The following HCN1 variants were observed in gnomAD, a reference collection of about 807,000 sequenced individuals.
HCN1 encodes hyperpolarization activated cyclic nucleotide gated potassium channel 1.
In HCN1, 13 loss-of-function variants were observed where a neutral mutation model predicts 78.9. That is an observed-to-expected ratio of 0.16 (90% CI 0.11 to 0.26). The LOEUF (loss-of-function observed/expected upper bound fraction) is 0.26, where lower values mean the gene tolerates loss of function less well. Among genes scored for constraint, HCN1 ranks in the 10% least tolerant of loss-of-function variants. The pLI is 1.00. For synonymous variants in HCN1, 552 were observed against 455.5 expected (o/e 1.21, Z -2.70); for missense variants, 810 against 1,154.3 (o/e 0.70, Z 4.32).
chr5:45,536,679 A>G (rs1579955458), intron 2 of HCN1, among the ~76,000 whole-genome samples: 2 of 151,992 alleles, frequency 1.3e-5, no homozygotes, highest in South Asian at 4.2e-4. Flanking sequence ...ATTCTATCCA[A>G]CTGCTTGTTT....
At chr5:45,454,480 TA>T (rs1304954257) in intron 3 of HCN1, among the ~76,000 whole-genome samples, 22 of 145,980 alleles carry the variant, frequency 1.5e-4, no homozygotes, top group Admixed American at 4.1e-4. Flanking sequence ...TGTTAGGTCT[TA>T]AAAAAAAATA....
intron 7 of HCN1, among the ~76,000 whole-genome samples, chr5:45,265,613 G>T (rs910244801): frequency 6.6e-6 from 1 of 152,148 alleles, no homozygotes; most frequent in Admixed American, 6.5e-5. Context: ...ATGTGAATGT[G>T]AAGTGCAGAA....
At chr5:45,342,078 T>A (rs1030409666) in intron 5 of HCN1, among the ~76,000 whole-genome samples, 1 of 152,160 alleles carries the variant, frequency 6.6e-6, no homozygotes, top group Non-Finnish European at 1.5e-5. Flanking sequence ...CCTCAATTCT[T>A]TAGGGATGAA....
intron 5 of HCN1, among the ~76,000 whole-genome samples, chr5:45,329,162 A>G (rs941959984): frequency 6.6e-6 from 1 of 151,482 alleles, no homozygotes; most frequent in African/African-American, 2.4e-5. Context: ...TAAGTATACA[A>G]TTTGTCAGTA....
At chr5:45,379,899 T>C (rs1223025153) in intron 4 of HCN1, among the ~76,000 whole-genome samples, 1 of 151,694 alleles carries the variant, frequency 6.6e-6, no homozygotes, top group Non-Finnish European at 1.5e-5. Flanking sequence ...GTTCGAGAAA[T>C]GGATAGTGGT....
At chr5:45,525,616 T>C (rs1231027159) in intron 2 of HCN1, among the ~76,000 whole-genome samples, 1 of 152,048 alleles carries the variant, frequency 6.6e-6, no homozygotes, top group East Asian at 1.9e-4. Flanking sequence ...AAAATTATGA[T>C]TACCCCAAAC....
intron 6 of HCN1, among the ~76,000 whole-genome samples, chr5:45,290,549 C>T (rs531303707): frequency 2.0e-5 from 3 of 152,062 alleles, no homozygotes; most frequent in East Asian, 1.9e-4. Flanking sequence ...AAATAAGACA[C>T]TTTTGTGTTT....
At chr5:45,385,988 T>C (rs1237719450) in intron 4 of HCN1, among the ~76,000 whole-genome samples, 1 of 152,070 alleles carries the variant, frequency 6.6e-6, no homozygotes, top group Non-Finnish European at 1.5e-5. Context: ...AAAAATACAT[T>C]TTATGAATTG....
chr5:45,450,722 T>C (rs1035578907), intron 3 of HCN1, among the ~76,000 whole-genome samples: 2 of 152,180 alleles, frequency 1.3e-5, no homozygotes, highest in Admixed American at 6.5e-5. Context: ...CATAAACTTA[T>C]ATTGTTTACT....
At chr5:45,451,132 A>G (rs979967906) in intron 3 of HCN1, among the ~76,000 whole-genome samples, 2 of 152,206 alleles carry the variant, frequency 1.3e-5, no homozygotes, top group Non-Finnish European at 2.9e-5. Flanking sequence ...ATCGAGAAAT[A>G]CATTCAAAAA....
intron 3 of HCN1, among the ~76,000 whole-genome samples, chr5:45,430,353 A>T (rs1740436582): frequency 1.3e-5 from 2 of 151,748 alleles, no homozygotes; most frequent in African/African-American, 2.4e-5. Context: ...TGTGTGTCTT[A>T]GGGGTTTGGT....
intron 2 of HCN1, among the ~76,000 whole-genome samples, chr5:45,548,039 T>G: frequency 6.6e-6 from 1 of 151,990 alleles, no homozygotes; most frequent in East Asian, 1.9e-4. Flanking sequence ...ATCAGAGATA[T>G]AACAGGATTA....
intron 6 of HCN1, among the ~76,000 whole-genome samples, chr5:45,277,922 G>C (rs773000081): frequency 6.6e-6 from 1 of 152,132 alleles, no homozygotes. Flanking sequence ...AATCCCCAAA[G>C]TGGTGTTGGG....
At chr5:45,441,931 A>C (rs1740687871) in intron 3 of HCN1, among the ~76,000 whole-genome samples, 1 of 152,160 alleles carries the variant, frequency 6.6e-6, no homozygotes, top group Non-Finnish European at 1.5e-5. Context: ...TTTTACAGGA[A>C]TATCACAACT....
intron 3 of HCN1, among the ~76,000 whole-genome samples, chr5:45,413,169 A>T (rs1224808079): frequency 6.6e-6 from 1 of 152,092 alleles, no homozygotes; most frequent in Non-Finnish European, 1.5e-5. Context: ...GTTTTACAGA[A>T]ACTTAGAGTA....
intron 2 of HCN1, among the ~76,000 whole-genome samples, chr5:45,538,791 CA>C (rs1456454144): frequency 1.3e-5 from 2 of 152,126 alleles, no homozygotes; most frequent in Non-Finnish European, 2.9e-5. Flanking sequence ...TTTCTTGTAG[CA>C]AGTGAAGAGC....
At chr5:45,495,429 G>C (rs1357542138) in intron 2 of HCN1, among the ~76,000 whole-genome samples, 5 of 147,636 alleles carry the variant, frequency 3.4e-5, no homozygotes, top group Admixed American at 2.0e-4. Flanking sequence ...AAGAATGCTT[G>C]TGATTTTTGT....
intron 5 of HCN1, among the ~76,000 whole-genome samples, chr5:45,344,786 A>G (rs891030774): frequency 6.6e-6 from 1 of 152,176 alleles, no homozygotes; most frequent in Non-Finnish European, 1.5e-5. Flanking sequence ...AGCTGCTTTC[A>G]TGGGTGGGGA....
intron 2 of HCN1, among the ~76,000 whole-genome samples, chr5:45,549,630 AG>A (rs957969377): frequency 5.9e-5 from 9 of 152,312 alleles, no homozygotes; most frequent in African/African-American, 1.7e-4. Flanking sequence ...TGGCAACAAA[AG>A]CCAAAATTGA....
Sources: allele counts gnomAD v4.1 joint callset (sites outside exome capture counted in the v4.1 genomes callset), GRCh38; gene constraint gnomAD v4.1.1; transcripts MANE v1.5; gene names NCBI Gene and HGNC (gene_info 2026-07-23, HGNC 2026-07-21).